The following XPR1 variants were observed in gnomAD, a reference collection of about 807,000 sequenced individuals.
The protein encoded by XPR1 is solute carrier family 53 member 1.
XPR1 carries 28 observed loss-of-function variants against 87.5 expected under a neutral mutation model. The observed-to-expected ratio is 0.32, with a 90% CI of 0.24 to 0.44. The LOEUF is 0.44. Among genes scored for constraint, XPR1 ranks in the 20% least tolerant of loss-of-function variants. The probability of loss-of-function intolerance (pLI) is 1.00; values close to 1 mark genes in which losing one functional copy is unlikely to be tolerated. For synonymous variants in XPR1, 300 were observed against 306.1 expected, an observed-to-expected ratio of 0.98 and a Z score of 0.21; for missense variants, 559 against 862.3, an observed-to-expected ratio of 0.65 and a Z score of 4.41.
At position 180,799,924 on chromosome 1, in the gene XPR1, C is replaced by T. The variant is rs146310267; in HGVS notation, c.224-3464C>T. Among the ~76,000 whole-genome samples the T allele has an allele frequency of 3.3e-3, 504 of 152,310 alleles. 3 individuals are homozygous for T. The highest frequency in any genetic ancestry group is 1.0e-2 in the African/African-American group (415 of 41,566). On this transcript the variant is annotated intron_variant, in intron 3 of 14. Transcript: ENST00000367590. ...TATTCACCAAGATTCATCCAACTTG[C>T]GTAAACAAATGAGTTAAGAGAGGAT...
intron 1 of XPR1, among the ~76,000 whole-genome samples, chr1:180,681,702 C>G (rs1327160712): frequency 6.6e-6 from 1 of 152,142 alleles, no homozygotes; most frequent in Non-Finnish European, 1.5e-5. Context: ...GAGCCTTACT[C>G]TCTCTCCCAG....
intron 2 of XPR1, among the ~76,000 whole-genome samples, chr1:180,781,556 G>A (rs933810731): frequency 6.6e-6 from 1 of 150,966 alleles, no homozygotes; most frequent in African/African-American, 2.4e-5. Context: ...CTTGATGGTG[G>A]CTGCTATGCA....
chr1:180,829,983 A>ATAGTC (rs1275928104), intron 9 of XPR1, among the ~76,000 whole-genome samples: 1 of 151,190 alleles, frequency 6.6e-6, no homozygotes, highest in Non-Finnish European at 1.5e-5. Flanking sequence ...GAGAGTAATG[A>ATAGTC]TAGTCTGTCT....
chr1:180,671,624 A>C (rs1656178858), intron 1 of XPR1, among the ~76,000 whole-genome samples: 1 of 152,144 alleles, frequency 6.6e-6, no homozygotes, highest in East Asian at 1.9e-4. Context: ...TCCTGGGTTC[A>C]AATGATTCTC....
At chr1:180,801,198 C>A (rs937524510) in intron 3 of XPR1, among the ~76,000 whole-genome samples, 2 of 152,226 alleles carry the variant, frequency 1.3e-5, no homozygotes, top group Non-Finnish European at 2.9e-5. Flanking sequence ...TCAATAGATA[C>A]ATCTCTCATG....
At chr1:180,729,127 TA>T (rs1658462202) in intron 2 of XPR1, among the ~76,000 whole-genome samples, 2 of 152,346 alleles carry the variant, frequency 1.3e-5, no homozygotes, top group African/African-American at 4.8e-5. Flanking sequence ...TTGCTTAGGA[TA>T]ATGGCCTCTA....
intron 2 of XPR1, among the ~76,000 whole-genome samples, chr1:180,764,887 G>A (rs1267007241): frequency 1.3e-5 from 2 of 149,402 alleles, no homozygotes; most frequent in African/African-American, 2.5e-5. Flanking sequence ...CCGGGTTCAC[G>A]CCATTCTCCT....
In XPR1 at chr1:180,821,449, A is replaced by C. The variant is rs994989038; in HGVS notation, c.764-3304A>C. On this transcript the variant is annotated intron_variant, in intron 7 of 14. Transcript: ENST00000367590. ...CCAGTGCCACAATGTTTTGATTACT[A>C]TAGCTTTGTAGTAAGTTTTAAAATG... Among the ~76,000 whole-genome samples the C allele has an allele frequency of 1.1e-4, 16 of 152,302 alleles. No homozygotes were observed. In the East Asian group the frequency reaches 2.7e-3, roughly 26 times the overall value.
intron 12 of XPR1, among the ~76,000 whole-genome samples, chr1:180,866,031 C>T (rs1026784094): frequency 7.9e-5 from 12 of 151,910 alleles, no homozygotes; most frequent in African/African-American, 2.7e-4. Flanking sequence ...TAGTGTGAGA[C>T]ACTGACTCTA....
chr1:180,878,755 C>A (rs1652745639), intron 13 of XPR1, among the ~76,000 whole-genome samples: 1 of 152,260 alleles, frequency 6.6e-6, no homozygotes, highest in East Asian at 1.9e-4. Flanking sequence ...TACTTTACTT[C>A]CCAGCAAAGC....
intron 11 of XPR1, among the ~76,000 whole-genome samples, chr1:180,850,619 A>G (rs72707409): frequency 7.5e-4 from 114 of 152,254 alleles, no homozygotes; most frequent in Non-Finnish European, 1.3e-3. Flanking sequence ...TGTATGTACT[A>G]CCTGAAGCTT....
chr1:180,861,962 C>A (rs186919459), intron 11 of XPR1, among the ~76,000 whole-genome samples: 245 of 151,962 alleles, frequency 1.6e-3, no homozygotes, highest in Middle Eastern at 3.4e-3. Context: ...CATCCAACCT[C>A]GAGAATAAAA....
chr1:180,778,637 C>A (rs1181226073), intron 2 of XPR1, among the ~76,000 whole-genome samples: 1 of 152,098 alleles, frequency 6.6e-6, no homozygotes, highest in Admixed American at 6.5e-5. Context: ...GCTGTGACAA[C>A]CACAAGTATC....
At chr1:180,642,593 T>C (rs73047693) in intron 1 of XPR1, among the ~76,000 whole-genome samples, 2,551 of 152,166 alleles carry the variant, frequency 0.017, 79 homozygotes, top group African/African-American at 0.056. Context: ...CCCAAGGTCA[T>C]GTAGCTAGGG....
chr1:180,648,432 A>G (rs1359571860), intron 1 of XPR1, among the ~76,000 whole-genome samples: 1 of 152,248 alleles, frequency 6.6e-6, no homozygotes, highest in Non-Finnish European at 1.5e-5. Context: ...GCTTCTAAAA[A>G]TACAGAAATG....
intron 1 of XPR1, among the ~76,000 whole-genome samples, chr1:180,638,407 G>T (rs950486123): frequency 8.5e-5 from 13 of 152,122 alleles, no homozygotes; most frequent in African/African-American, 3.1e-4. Context: ...TGGTTTGTGG[G>T]TTGCCTGGTA....
At chr1:180,806,408 A>G (rs1649993549) in intron 5 of XPR1, 66 bp from the exon 6 acceptor site, 6 of 1,555,624 alleles carry the variant, frequency 3.9e-6, no homozygotes, top group Non-Finnish European at 5.3e-6. Context: ...TAAATGGTAC[A>G]GAATTATTTG....
intron 11 of XPR1, among the ~76,000 whole-genome samples, chr1:180,845,460 G>A (rs988606159): frequency 5.3e-5 from 8 of 152,208 alleles, no homozygotes; most frequent in African/African-American, 1.9e-4. Flanking sequence ...TTATACAGTG[G>A]CTTGTTAAAA....
At chr1:180,695,490 G>C (rs1657136259) in intron 2 of XPR1, among the ~76,000 whole-genome samples, 1 of 151,892 alleles carries the variant, frequency 6.6e-6, no homozygotes, top group Non-Finnish European at 1.5e-5. Flanking sequence ...TGAAGTCTTA[G>C]TCATGAAATG....
Sources: allele counts gnomAD v4.1 joint callset (sites outside exome capture counted in the v4.1 genomes callset), GRCh38; gene constraint gnomAD v4.1.1; transcripts MANE v1.5; gene names NCBI Gene and HGNC (gene_info 2026-07-23, HGNC 2026-07-21).